The following EXT2 variants were observed in gnomAD, a reference collection of about 807,000 sequenced individuals.
EXT2 encodes the protein exostosin-2.
In EXT2, 53 loss-of-function variants were observed where a neutral mutation model predicts 81.6. That is an observed-to-expected ratio of 0.65 (90% CI 0.52 to 0.82). The LOEUF (loss-of-function observed/expected upper bound fraction) is 0.82, where lower values mean the gene tolerates loss of function less well. EXT2 is among the 40% of genes least tolerant of loss of function. The pLI is 0.00. For synonymous variants in EXT2, 320 were observed against 340.0 expected (o/e 0.94, Z 0.65); for missense variants, 774 against 910.2 (o/e 0.85, Z 1.93).
Position 44,174,621 on chromosome 11 carries a change from C to CT in EXT2, c.1305+2886dup, listed in dbSNP as rs145578770. On this transcript the variant is annotated intron_variant, in intron 8 of 13. Transcript: ENST00000533608. ...TGTTACTGACCTCTACAGTTGTTTA[C>CT]TTTTTTTAGTTGATTCTCTTATATT... Among the ~76,000 whole-genome samples the CT allele has an allele frequency of 3.0e-3, 458 of 152,098 alleles. 1 individual carries two copies. Among genetic ancestry groups the CT allele is most frequent in the African/African-American group, 0.011 (438 of 41,500 alleles).
Position 44,109,213 on chromosome 11 carries a change from C to CA in EXT2, c.557dup (p.His186GlnfsTer15). 1 of 1,614,124 alleles carries CA rather than the reference C, an allele frequency of 6.2e-7. No individual in the cohort carries two copies. The highest frequency in any genetic ancestry group is 8.5e-7 in the Non-Finnish European group (1 of 1,180,006). On this transcript the variant is annotated frameshift_variant, in exon 3 of 14. Coordinates refer to ENST00000533608, the MANE Select transcript of EXT2 (RefSeq NM_207122.2). LOFTEE classifies it high-confidence loss of function. ...TGACAGGTGGGATCGAGGTACGAAT[C>CA]ACCTGTTGTTCAACATGTTGCCTGG...
intron 8 of EXT2, among the ~76,000 whole-genome samples, chr11:44,192,152 G>T (rs1955399755): frequency 6.6e-6 from 1 of 152,138 alleles, no homozygotes; most frequent in Non-Finnish European, 1.5e-5. Flanking sequence ...CTGTTGGATG[G>T]CTCACTGTCT....
intron 4 of EXT2, among the ~76,000 whole-genome samples, chr11:44,120,877 A>G (rs1250686151): frequency 6.6e-6 from 1 of 152,244 alleles, no homozygotes; most frequent in Non-Finnish European, 1.5e-5. Context: ...TCAAGTTCTC[A>G]GCATGGTTTT....
At chr11:44,125,376 A>G (rs1954385465) in intron 5 of EXT2, among the ~76,000 whole-genome samples, 1 of 152,210 alleles carries the variant, frequency 6.6e-6, no homozygotes, top group South Asian at 2.1e-4. Context: ...ATGCTGGCCT[A>G]CAGAGCCACA....
chr11:44,211,289 G>A (rs1444358182), intron 10 of EXT2, among the ~76,000 whole-genome samples: 1 of 152,138 alleles, frequency 6.6e-6, no homozygotes, highest in East Asian at 1.9e-4. Context: ...TATGTCCAAA[G>A]GAATTGAAAT....
Position 44,104,443 on chromosome 11 carries a change from AG to A in EXT2, c.-30-3237del, listed in dbSNP as rs1954026663. The stretch of plus-strand genomic sequence containing the variant: ...AAAAAGTTTTGAAAAACACTATTAA[AG>A]GGTAGTTTGTCTAATATTAATAAAG... On this transcript the variant is annotated intron_variant, in intron 1 of 13. Coordinates refer to ENST00000533608, the MANE Select transcript of EXT2 (RefSeq NM_207122.2). Among the ~76,000 whole-genome samples the A allele has an allele frequency of 2.0e-5, 3 of 152,350 alleles. No individual in the cohort carries two copies. The South Asian group carries it at 6.2e-4, about 32-fold the overall frequency.
At chr11:44,203,163 C>T (rs540828951) in intron 9 of EXT2, among the ~76,000 whole-genome samples, 3 of 152,244 alleles carry the variant, frequency 2.0e-5, no homozygotes, top group African/African-American at 4.8e-5. Context: ...CCTTTTCATT[C>T]GATAATCTTT....
rs536692561 is a variant in EXT2 at position 44,248,968 on chromosome 11, TTTTG to T, written c.*4701_*4704del. ...TTGCAACCATTTCAGGGTAGAGTTT[TTTTG>T]TTTGTTTGTTTGTTTGTTTTTGTTT... On this transcript the variant is annotated 3_prime_UTR_variant, in exon 14 of 14. Transcript: ENST00000533608. Among the ~76,000 whole-genome samples the T allele has an allele frequency of 7.7e-3, 1,170 of 152,058 alleles. 12 individuals carry two copies. Among genetic ancestry groups the T allele is most frequent in the African/African-American group, 0.026 (1,064 of 41,452 alleles).
At chr11:44,100,979 T>C (rs1306525519) in intron 1 of EXT2, among the ~76,000 whole-genome samples, 3 of 152,204 alleles carry the variant, frequency 2.0e-5, no homozygotes, top group Admixed American at 6.5e-5. Flanking sequence ...CATATGATTC[T>C]TGTGCTCCTC....
chr11:44,131,300 T>A (rs1171769162), intron 7 of EXT2, among the ~76,000 whole-genome samples: 1 of 152,182 alleles, frequency 6.6e-6, no homozygotes, highest in African/African-American at 2.4e-5. Flanking sequence ...TTTAGGAGAG[T>A]GAGGTTAGTG....
At chr11:44,123,717 C>T (rs997780620) in intron 4 of EXT2, among the ~76,000 whole-genome samples, 1 of 152,232 alleles carries the variant, frequency 6.6e-6, no homozygotes, top group African/African-American at 2.4e-5. Flanking sequence ...GCATTTTGGA[C>T]TTCAGATTTT....
intron 7 of EXT2, among the ~76,000 whole-genome samples, chr11:44,168,920 A>T (rs1293822498): frequency 3.3e-5 from 5 of 152,186 alleles, no homozygotes; most frequent in African/African-American, 1.2e-4. Context: ...GTGAAAATTT[A>T]CTTTAAAAAA....
Position 44,198,250 on chromosome 11 carries a change from C to G in EXT2, c.1495+232C>G, listed in dbSNP as rs116109496. 710 of 572,470 alleles carry G rather than the reference C, an allele frequency of 1.2e-3. 2 individuals are homozygous for G. The highest frequency in any genetic ancestry group is 0.012 in the African/African-American group (636 of 53,446). 35.5% of individuals were successfully genotyped at this position (572,470 alleles called of 1,614,324 possible). On this transcript the variant is annotated intron_variant, in intron 9 of 13. Transcript: ENST00000533608. The stretch of plus-strand genomic sequence containing the variant: ...TTGAGGGCTTAGGAATCAACAGGAT[C>G]AAAGGCTATCAGCCTTAGGAAAACA...
intron 8 of EXT2, among the ~76,000 whole-genome samples, chr11:44,184,458 A>C (rs1955280450): frequency 6.6e-6 from 1 of 152,060 alleles, no homozygotes; most frequent in African/African-American, 2.4e-5. Context: ...CTCTTTATAT[A>C]ATTACATTGA....
intron 4 of EXT2, among the ~76,000 whole-genome samples, chr11:44,119,064 A>G (rs1954263720): frequency 6.9e-6 from 1 of 145,182 alleles, no homozygotes; most frequent in Admixed American, 7.0e-5. Context: ...ATTGGGCTAG[A>G]CTGCTGTCTC....
intron 8 of EXT2, among the ~76,000 whole-genome samples, chr11:44,173,718 G>A (rs535976655): frequency 3.3e-5 from 5 of 151,752 alleles, no homozygotes; most frequent in East Asian, 1.9e-4. Context: ...ACAGGCGCCC[G>A]CCACCACGTC....
In EXT2 at chr11:44,107,665, T is replaced by G. The variant is rs746411560; in HGVS notation, c.-30-18T>G. 6.3e-7 allele frequency: 1 copy of G among 1,594,568 alleles called. No individual in the cohort carries two copies. The highest frequency in any genetic ancestry group is 2.2e-5 in the East Asian group (1 of 44,538). ...TCCTAAATACTTGGTTTTTCTTATT[T>G]CTCTCCCTGGTGACCAGGAGTGTGA... On this transcript the variant is annotated intron_variant, in intron 1 of 13. Transcript: ENST00000533608.
chr11:44,180,587 C>T (rs1955221440), intron 8 of EXT2, among the ~76,000 whole-genome samples: 1 of 152,138 alleles, frequency 6.6e-6, no homozygotes. Context: ...TCCTGTAGCC[C>T]CTCTCTTCGG....
intron 1 of EXT2, among the ~76,000 whole-genome samples, chr11:44,098,306 G>A (rs1165038701): frequency 6.6e-6 from 1 of 152,146 alleles, no homozygotes; most frequent in Admixed American, 6.5e-5. Flanking sequence ...TGTTACAGGG[G>A]TGAGGTTGGA....
Sources: gnomAD v4.1 joint callset for allele counts (sites outside exome capture counted in the v4.1 genomes callset) on GRCh38, gnomAD v4.1.1 for gene constraint, MANE v1.5 for transcripts, NCBI Gene and HGNC (gene_info 2026-07-23, HGNC 2026-07-21) for gene names.